The following CLSTN2 variants were observed in gnomAD, a reference collection of about 807,000 sequenced individuals.
CLSTN2 encodes the protein calsyntenin 2.
In CLSTN2, 48 loss-of-function variants were observed where a neutral mutation model predicts 101.2. That is an observed-to-expected ratio of 0.47 (90% CI 0.38 to 0.60). CLSTN2 has a LOEUF of 0.60. Ranked by LOEUF, CLSTN2 falls within the 20% of genes least tolerant of loss-of-function variation. The pLI, the probability that CLSTN2 is intolerant of heterozygous loss-of-function variation, is 0.00. For missense variants in CLSTN2, 1,160 were observed against 1,238.2 expected (o/e 0.94, Z 0.95); for synonymous variants, 481 against 463.6 (o/e 1.04, Z -0.48).
chr3:140,321,337 C>G (rs2087281469), intron 2 of CLSTN2, among the ~76,000 whole-genome samples: 1 of 152,174 alleles, frequency 6.6e-6, no homozygotes, highest in Non-Finnish European at 1.5e-5. Flanking sequence ...TCAGCACCAC[C>G]TTTGACCAGC....
intron 2 of CLSTN2, among the ~76,000 whole-genome samples, chr3:140,317,496 C>A (rs948503627): frequency 6.6e-6 from 1 of 152,142 alleles, no homozygotes; most frequent in Non-Finnish European, 1.5e-5. Context: ...AAAGTTCCTA[C>A]AGCCTGTTGG....
chr3:140,176,950 T>C (rs980137613), intron 2 of CLSTN2, among the ~76,000 whole-genome samples: 5 of 152,228 alleles, frequency 3.3e-5, no homozygotes, highest in African/African-American at 1.2e-4. Flanking sequence ...GTTTGCCTGC[T>C]ACATTATGAG....
chr3:140,569,059 T>G lies in CLSTN2; in HGVS notation c.*2806T>G, dbSNP rs1311619244. On this transcript the variant is annotated 3_prime_UTR_variant, in exon 17 of 17. Transcript: ENST00000458420. ...CTGGGTTGGCAGGCATTGGTCATCT[T>G]CGCAACACCCTCTTCCTCACCATGG... 1.3e-5 allele frequency: 2 copies of G among 152,286 alleles called. No homozygotes were observed. The highest frequency in any genetic ancestry group is 2.9e-5 in the Non-Finnish European group (2 of 68,106). The allele number at this position is 152,286 out of a possible 1,614,324, so 9.4% of individuals were successfully genotyped here.
intron 2 of CLSTN2, among the ~76,000 whole-genome samples, chr3:140,364,822 A>AG (rs1215669877): frequency 6.6e-5 from 10 of 152,336 alleles, no homozygotes; most frequent in East Asian, 3.9e-4. Flanking sequence ...ATATTGATTG[A>AG]GTGCCCACTG....
At chr3:140,477,285 A>G (rs1934008658) in intron 8 of CLSTN2, among the ~76,000 whole-genome samples, 1 of 152,202 alleles carries the variant, frequency 6.6e-6, no homozygotes, top group Admixed American at 6.5e-5. Context: ...CTCCTTCATC[A>G]CCTTGACAAT....
intron 1 of CLSTN2, among the ~76,000 whole-genome samples, chr3:139,951,595 A>T (rs1305128412): frequency 6.6e-6 from 1 of 152,202 alleles, no homozygotes; most frequent in Non-Finnish European, 1.5e-5. Context: ...CGGGGAGACC[A>T]CACTGGGCCC....
intron 2 of CLSTN2, among the ~76,000 whole-genome samples, chr3:140,370,945 G>A (rs527998057): frequency 6.6e-6 from 1 of 152,150 alleles, no homozygotes; most frequent in Admixed American, 6.5e-5. Flanking sequence ...ACTTGGCTGC[G>A]AGGGCATGGT....
intron 8 of CLSTN2, among the ~76,000 whole-genome samples, chr3:140,515,555 G>A (rs554289094): frequency 2.0e-5 from 3 of 152,006 alleles, no homozygotes; most frequent in African/African-American, 4.8e-5. Flanking sequence ...AAGAGGTTTC[G>A]ATGGGTTGTA....
chr3:140,008,284 T>C (rs1560068289), intron 1 of CLSTN2, among the ~76,000 whole-genome samples: 1 of 152,262 alleles, frequency 6.6e-6, no homozygotes, highest in African/African-American at 2.4e-5. Flanking sequence ...GCATGGCCTG[T>C]GTGACCATGC....
chr3:140,501,135 C>A (rs1934565872), intron 8 of CLSTN2, among the ~76,000 whole-genome samples: 1 of 152,044 alleles, frequency 6.6e-6, no homozygotes, highest in South Asian at 2.1e-4. Context: ...AAATCAGTCA[C>A]TCTCGCTCCC....
chr3:140,287,270 C>A (rs1373505065), intron 2 of CLSTN2, among the ~76,000 whole-genome samples: 1 of 151,770 alleles, frequency 6.6e-6, no homozygotes, highest in Non-Finnish European at 1.5e-5. Flanking sequence ...AGAAGCCAGG[C>A]CAAAAAAAAG....
intron 6 of CLSTN2, among the ~76,000 whole-genome samples, chr3:140,457,019 CTAAGGTAT>C (rs1381231830): frequency 6.6e-6 from 1 of 152,116 alleles, no homozygotes; most frequent in African/African-American, 2.4e-5. Context: ...CTTCACTAGT[CTAAGGTAT>C]TAATTGAAGT....
chr3:140,475,988 C>T (rs1228297334), intron 8 of CLSTN2, among the ~76,000 whole-genome samples: 3 of 152,114 alleles, frequency 2.0e-5, no homozygotes, highest in Non-Finnish European at 2.9e-5. Context: ...GATACTCAAG[C>T]CATGGAGTAG....
intron 1 of CLSTN2, among the ~76,000 whole-genome samples, chr3:139,950,790 A>C (rs1180462792): frequency 6.6e-6 from 1 of 152,254 alleles, no homozygotes; most frequent in Non-Finnish European, 1.5e-5. Context: ...TATGTATTTC[A>C]ACAAATGCTT....
intron 1 of CLSTN2, among the ~76,000 whole-genome samples, chr3:140,170,280 C>T (rs142358668): frequency 3.3e-5 from 5 of 152,176 alleles, no homozygotes; most frequent in Non-Finnish European, 7.4e-5. Flanking sequence ...TCTTCGTAGT[C>T]GAATTAACAT....
intron 2 of CLSTN2, among the ~76,000 whole-genome samples, chr3:140,218,848 A>G (rs2086235143): frequency 6.6e-6 from 1 of 152,140 alleles, no homozygotes; most frequent in Non-Finnish European, 1.5e-5. Flanking sequence ...CCCCAGGGGG[A>G]CAAGAATATA....
intron 8 of CLSTN2, among the ~76,000 whole-genome samples, chr3:140,487,034 G>C (rs1342794490): frequency 3.9e-5 from 6 of 152,192 alleles, no homozygotes; most frequent in African/African-American, 1.4e-4. Context: ...GTATGGACCT[G>C]TGCTAAGGCC....
At chr3:139,968,322 C>T (rs1402515091) in intron 1 of CLSTN2, among the ~76,000 whole-genome samples, 3 of 152,158 alleles carry the variant, frequency 2.0e-5, no homozygotes, top group African/African-American at 7.2e-5. Context: ...CTGCAAGTCC[C>T]TCTCCTGTGT....
At chr3:140,148,779 G>T (rs1360949902) in intron 1 of CLSTN2, among the ~76,000 whole-genome samples, 1 of 152,156 alleles carries the variant, frequency 6.6e-6, no homozygotes, top group Non-Finnish European at 1.5e-5. Flanking sequence ...TGCTAAGAAA[G>T]CCTCAAGTTC....
Sources: gnomAD v4.1 joint callset for allele counts (sites outside exome capture counted in the v4.1 genomes callset) on GRCh38, gnomAD v4.1.1 for gene constraint, MANE v1.5 for transcripts, NCBI Gene and HGNC (gene_info 2026-07-23, HGNC 2026-07-21) for gene names.